The following SOAT2 variants were observed in gnomAD, a reference collection of about 807,000 sequenced individuals.
SOAT2 encodes the protein sterol O-acyltransferase 2, also known as ACAT-2.
In SOAT2, 87 loss-of-function variants were observed where a neutral mutation model predicts 76.0. The observed-to-expected ratio is 1.14, with a 90% CI of 0.96 to 1.37. The LOEUF (loss-of-function observed/expected upper bound fraction) is 1.37. Among genes scored for constraint, SOAT2 ranks in the 40% most tolerant of loss-of-function variants. The pLI is 0.00. For synonymous variants in SOAT2, 285 were observed against 275.4 expected, an observed-to-expected ratio of 1.03 and a Z score of -0.34; for missense variants, 686 against 682.1, an observed-to-expected ratio of 1.01 and a Z score of -0.06.
chr12:53,123,987 TG>T (rs1938236975), intron 14 of SOAT2, 85 bp from the exon 15 acceptor site: 3 of 1,599,410 alleles, frequency 1.9e-6, no homozygotes, highest in Non-Finnish European at 8.6e-7. Context: ...GGGCCTGGCT[TG>T]GGGGTGATGG....
chr12:53,111,467 TG>T (rs1938011908), intron 5 of SOAT2, among the ~76,000 whole-genome samples: 1 of 152,180 alleles, frequency 6.6e-6, no homozygotes, highest in African/African-American at 2.4e-5. Context: ...ACTTCCTTCA[TG>T]TCTGTGGACT....
Position 53,103,548 on chromosome 12 carries a change from G to C in SOAT2, c.-30G>C. 1 of 1,540,254 alleles carries C rather than the reference G, an allele frequency of 6.5e-7. No homozygotes were observed. Among genetic ancestry groups the C allele is most frequent in the Non-Finnish European group, 8.7e-7 (1 of 1,143,888 alleles). Reference sequence around the variant, plus strand: ...GAAGGAAGGAGGCAACACGGGCAAGGGCTGCCTGCTGCCCGCTGGAGACCG... The same window carrying C: ...GAAGGAAGGAGGCAACACGGGCAAGCGCTGCCTGCTGCCCGCTGGAGACCG... On this transcript the variant is annotated 5_prime_UTR_variant, in exon 1 of 15. Transcript: ENST00000301466.
intron 12 of SOAT2, among the ~76,000 whole-genome samples, chr12:53,122,566 T>C (rs1276198444): frequency 6.6e-6 from 1 of 151,930 alleles, no homozygotes; most frequent in African/African-American, 2.4e-5. Flanking sequence ...AGCATCTGTT[T>C]AGCAAAGCAC....
At chr12:53,112,108 G>A (rs1405567998) in intron 5 of SOAT2, among the ~76,000 whole-genome samples, 1 of 152,136 alleles carries the variant, frequency 6.6e-6, no homozygotes, top group Non-Finnish European at 1.5e-5. Flanking sequence ...CTTTTACAGT[G>A]CACTTACATT....
chr12:53,117,795 C>T lies in SOAT2; in HGVS notation c.779-555C>T, dbSNP rs566074494. The stretch of plus-strand genomic sequence containing the variant: ...CTCCAGTTATGTATCCCCACACCCC[C>T]TCCAGGCCCTGGGCTGTGTGCTCTA... On this transcript the variant is annotated intron_variant, in intron 7 of 14. Coordinates refer to ENST00000301466, the MANE Select transcript of SOAT2 (RefSeq NM_003578.4). 1.1e-3 allele frequency among the ~76,000 whole-genome samples: 166 copies of T among 152,266 alleles called. 1 individual carries two copies. The highest frequency in any genetic ancestry group is 4.0e-3 in the African/African-American group (166 of 41,544).
At chr12:53,123,693 T>C in intron 13 of SOAT2, 35 bp from the exon 14 acceptor site, 2 of 1,613,512 alleles carry the variant, frequency 1.2e-6, no homozygotes, top group South Asian at 1.1e-5. Flanking sequence ...AAGGCACTCC[T>C]GGAGCTGGAA....
intron 12 of SOAT2, among the ~76,000 whole-genome samples, chr12:53,122,858 A>T: frequency 6.6e-6 from 1 of 151,996 alleles, no homozygotes; most frequent in Non-Finnish European, 1.5e-5. Flanking sequence ...TACACCTCCC[A>T]GACGGGGTGG....
Position 53,118,891 on chromosome 12 carries a change from A to T in SOAT2, c.865A>T (p.Thr289Ser). 1 of 1,614,044 alleles carries T rather than the reference A, an allele frequency of 6.2e-7. No individual in the cohort carries two copies. The highest frequency in any genetic ancestry group is 1.7e-5 in the Admixed American group (1 of 60,012). The change falls in exon 9 of 15, where the codon ACG becomes TCG. Residue 289 changes from threonine to serine, a missense_variant and splice_region_variant. Thr to Ser is a moderately conservative substitution (Grantham distance 58). Transcript: ENST00000301466. ...TLIYRETYPR[T>S]PYVRWNYVAK... ...ATATTGTCCCCATTGCCGCTGCAGG[A>T]CGCCCTATGTCAGGTGGAATTATGT...
At chr12:53,118,271 A>ACCACC (rs1271228282) in intron 7 of SOAT2, 79 bp from the exon 8 acceptor site, 4 of 326,624 alleles carry the variant, frequency 1.2e-5, no homozygotes, top group Non-Finnish European at 2.2e-5. Context: ...CACCAATCCC[A>ACCACC]CCACCCTTCC....
rs1333123618 is a variant in SOAT2, at chr12:53,117,896, C to A, written c.779-454C>A. On this transcript the variant is annotated intron_variant, in intron 7 of 14. Transcript: ENST00000301466. ...GAATTGCCAAAATGTGACACAGTGG[C>A]ATGAAGTGAGCACTTGCCGTTGGAA... 2.0e-5 allele frequency among the ~76,000 whole-genome samples: 3 copies of A among 152,142 alleles called. No homozygotes were observed. In the East Asian group the frequency reaches 5.8e-4, roughly 29 times the overall value.
intron 8 of SOAT2, 73 bp downstream of exon 8, chr12:53,118,507 A>T: frequency 9.0e-7 from 1 of 1,113,786 alleles, no homozygotes; most frequent in Non-Finnish European, 1.4e-6. Flanking sequence ...CCCCTCCCTG[A>T]GGTCCTCAGG....
At position 53,121,306 on chromosome 12, in the gene SOAT2, T is replaced by G; in HGVS notation, c.1141T>G (p.Trp381Gly). 1.9e-6 allele frequency: 3 copies of G among 1,613,148 alleles called. No individual in the cohort carries two copies. The highest frequency in any genetic ancestry group is 1.7e-6 in the Non-Finnish European group (2 of 1,179,082). The change falls in exon 12 of 15, where the codon TGG becomes GGG. Residue 381 changes from tryptophan to glycine, a missense_variant. By Grantham distance (184) the Trp-to-Gly change is radical (BLOSUM62 -2). Transcript: ENST00000301466. ...RFGDRMFYRD[W>G]WNSTSFSNYY... The stretch of plus-strand genomic sequence containing the variant: ...ACTCTGACCCCACCTTCTCCAGGAC[T>G]GGTGGAACTCAACGTCCTTCTCCAA...
chr12:53,123,969 A>G (rs767347012), intron 14 of SOAT2, 96 bp downstream of exon 14: 670 of 1,603,988 alleles, frequency 4.2e-4, no homozygotes, highest in Non-Finnish European at 5.4e-4. Context: ...GGCCACAGTC[A>G]GGCACCAGGG....
chr12:53,111,250 C>T (rs1004925118), intron 5 of SOAT2, among the ~76,000 whole-genome samples: 1 of 151,998 alleles, frequency 6.6e-6, no homozygotes, highest in Non-Finnish European at 1.5e-5. Context: ...GGACTACAGG[C>T]GCCCGCCACC....
At chr12:53,109,876 C>A (rs753746448) in intron 5 of SOAT2, among the ~76,000 whole-genome samples, 1 of 152,164 alleles carries the variant, frequency 6.6e-6, no homozygotes, top group African/African-American at 2.4e-5. Flanking sequence ...TAGACTTTTT[C>A]GAACCCTTTA....
rs1937870568 is a variant in SOAT2, at chr12:53,103,511, A to G, written c.-67A>G. 1 of 1,382,424 alleles carries G rather than the reference A, an allele frequency of 7.2e-7. No homozygotes were observed. The highest frequency in any genetic ancestry group is 1.4e-5 in the African/African-American group (1 of 69,934). The allele number at this position is 1,382,424 out of a possible 1,614,324, so 85.6% of individuals were successfully genotyped here. A position where few individuals can be genotyped will look rare whatever the true frequency, so the allele number is the denominator to read the frequency against. On this transcript the variant is annotated 5_prime_UTR_variant, in exon 1 of 15. Coordinates refer to ENST00000301466, the MANE Select transcript of SOAT2 (RefSeq NM_003578.4). ...GAGTGGGACAAGAGCTCTACAGGGC[A>G]GGCCACACTGCGAAGGAAGGAGGCA...
chr12:53,115,655 G>GT lies in SOAT2; in HGVS notation c.708+2dup. ...CCGTTGTGTCCTGGTCTTCGAGCAG[G>GT]TGAGGGCCGAGCCCTGCTGACGGAC... On this transcript the variant is annotated splice_donor_variant, in intron 6 of 14. Transcript: ENST00000301466. LOFTEE classifies it high-confidence loss of function. 1 of 1,521,126 alleles carries GT rather than the reference G, an allele frequency of 6.6e-7. No individual in the cohort carries two copies. The highest frequency in any genetic ancestry group is 8.8e-7 in the Non-Finnish European group (1 of 1,140,160). The allele number at this position is 1,521,126 out of a possible 1,614,324, so 94.2% of individuals were successfully genotyped here.
chr12:53,113,315 A>G (rs188541808), intron 5 of SOAT2, among the ~76,000 whole-genome samples: 1 of 152,186 alleles, frequency 6.6e-6, no homozygotes, highest in Non-Finnish European at 1.5e-5. Flanking sequence ...GGCTCCCGGC[A>G]TATGATCTGT....
At chr12:53,122,587 G>A (rs891832053) in intron 12 of SOAT2, among the ~76,000 whole-genome samples, 38 of 151,930 alleles carry the variant, frequency 2.5e-4, no homozygotes, top group Middle Eastern at 3.4e-3. Flanking sequence ...ATCTTGCACC[G>A]CCCTTAATCC....
Sources: gnomAD v4.1 joint callset for allele counts (sites outside exome capture counted in the v4.1 genomes callset) on GRCh38, gnomAD v4.1.1 for gene constraint, MANE v1.5 for transcripts, NCBI Gene and HGNC (gene_info 2026-07-23, HGNC 2026-07-21) for gene names.